The following DPP10 variants were observed in gnomAD, a reference collection of about 807,000 sequenced individuals.
The protein encoded by DPP10 is inactive dipeptidyl peptidase 10.
A neutral mutation model predicts 120.9 loss-of-function variants in DPP10; 33 were observed. The observed-to-expected ratio is 0.27, with a 90% CI of 0.21 to 0.37. The LOEUF is 0.37. Among genes scored for constraint, DPP10 ranks in the 10% least tolerant of loss-of-function variants. DPP10 has a pLI of 1.00. For synonymous variants in DPP10, 337 were observed against 326.1 expected, an observed-to-expected ratio of 1.03 and a Z score of -0.36; for missense variants, 816 against 942.8, an observed-to-expected ratio of 0.87 and a Z score of 1.76.
At chr2:114,549,914 G>T (rs540258067) in intron 1 of DPP10, among the ~76,000 whole-genome samples, 3 of 152,068 alleles carry the variant, frequency 2.0e-5, no homozygotes, top group African/African-American at 7.2e-5. Flanking sequence ...ATGGGGTGAC[G>T]TGGGGCTGGA....
intron 1 of DPP10, among the ~76,000 whole-genome samples, chr2:114,512,541 G>A (rs1374647579): frequency 2.0e-5 from 3 of 152,312 alleles, no homozygotes; most frequent in African/African-American, 7.2e-5. Context: ...TGGGCAAGTT[G>A]TTATAAGGAT....
chr2:115,649,784 A>G (rs2087587625), intron 5 of DPP10, among the ~76,000 whole-genome samples: 1 of 152,120 alleles, frequency 6.6e-6, no homozygotes, highest in African/African-American at 2.4e-5. Context: ...ATTATTTCAA[A>G]TAGTGAGAAA....
At chr2:114,657,066 C>T (rs954662724) in intron 1 of DPP10, among the ~76,000 whole-genome samples, 11 of 152,034 alleles carry the variant, frequency 7.2e-5, no homozygotes, top group Non-Finnish European at 1.6e-4. Context: ...CCATAAAAGT[C>T]AGTACTAGGT....
intron 5 of DPP10, among the ~76,000 whole-genome samples, chr2:115,676,345 A>G (rs2090257257): frequency 6.6e-6 from 1 of 152,172 alleles, no homozygotes; most frequent in Admixed American, 6.5e-5. Flanking sequence ...TATTTTATCC[A>G]AGTAAAACTG....
chr2:115,432,632 A>G (rs929353394), intron 3 of DPP10, among the ~76,000 whole-genome samples: 1 of 149,102 alleles, frequency 6.7e-6, no homozygotes, highest in Non-Finnish European at 1.5e-5. Flanking sequence ...CTTTTGAGAG[A>G]TCCTTGTTTA....
At chr2:115,376,276 T>A (rs374559115) in intron 3 of DPP10, among the ~76,000 whole-genome samples, 7 of 152,216 alleles carry the variant, frequency 4.6e-5, no homozygotes, top group African/African-American at 1.7e-4. Context: ...AATACGAATT[T>A]CAAAATTATA....
chr2:115,456,741 A>C (rs546774079), intron 3 of DPP10, among the ~76,000 whole-genome samples: 1 of 152,290 alleles, frequency 6.6e-6, no homozygotes, highest in Non-Finnish European at 1.5e-5. Flanking sequence ...GCTCTCACTC[A>C]TAAGTGGGAG....
chr2:114,732,743 C>T (rs1677038228), intron 1 of DPP10, among the ~76,000 whole-genome samples: 1 of 152,120 alleles, frequency 6.6e-6, no homozygotes, highest in Admixed American at 6.5e-5. Flanking sequence ...ATATAGATGG[C>T]TAATAATGGC....
intron 1 of DPP10, among the ~76,000 whole-genome samples, chr2:114,924,805 CAA>C (rs1695481905): frequency 6.6e-6 from 1 of 151,966 alleles, no homozygotes; most frequent in Middle Eastern, 3.4e-3. Context: ...AAACAAAAAA[CAA>C]AAACAAAAAC....
At chr2:115,247,094 A>T (rs1372864858) in intron 1 of DPP10, among the ~76,000 whole-genome samples, 1 of 152,172 alleles carries the variant, frequency 6.6e-6, no homozygotes, top group Non-Finnish European at 1.5e-5. Flanking sequence ...ATTAGGGATG[A>T]GTGACTACAA....
intron 1 of DPP10, among the ~76,000 whole-genome samples, chr2:114,910,586 T>C (rs1694295521): frequency 6.6e-6 from 1 of 152,108 alleles, no homozygotes; most frequent in Admixed American, 6.5e-5. Flanking sequence ...ACTAAGCAGT[T>C]TGTGGTCATT....
At chr2:114,653,668 C>G (rs1696774605) in intron 1 of DPP10, among the ~76,000 whole-genome samples, 1 of 152,106 alleles carries the variant, frequency 6.6e-6, no homozygotes, top group African/African-American at 2.4e-5. Flanking sequence ...TAAGATAGAG[C>G]CTTTCTTTGC....
intron 1 of DPP10, among the ~76,000 whole-genome samples, chr2:115,148,317 A>G (rs927481865): frequency 1.3e-5 from 2 of 152,192 alleles, no homozygotes; most frequent in Admixed American, 6.5e-5. Flanking sequence ...CTAAGTTGAT[A>G]CATATTTACA....
chr2:115,556,759 T>C (rs2080242154), intron 5 of DPP10, among the ~76,000 whole-genome samples: 1 of 152,110 alleles, frequency 6.6e-6, no homozygotes, highest in Admixed American at 6.5e-5. Flanking sequence ...TCTAATATTT[T>C]CTCCTCCAAG....
intron 3 of DPP10, among the ~76,000 whole-genome samples, chr2:115,378,995 A>G (rs1009991809): frequency 5.3e-5 from 8 of 152,156 alleles, no homozygotes; most frequent in African/African-American, 1.9e-4. Flanking sequence ...TTCATCAAGG[A>G]TATTGGTCTA....
intron 1 of DPP10, among the ~76,000 whole-genome samples, chr2:114,592,739 C>A (rs969925868): frequency 1.2e-4 from 18 of 151,902 alleles, no homozygotes; most frequent in African/African-American, 4.1e-4. Context: ...ATTAAAACAA[C>A]AATGAGATAT....
intron 1 of DPP10, among the ~76,000 whole-genome samples, chr2:115,199,716 C>A (rs2055555025): frequency 6.6e-6 from 1 of 152,034 alleles, no homozygotes; most frequent in South Asian, 2.1e-4. Context: ...TGTATCAAGA[C>A]TGAAGAGATG....
At chr2:114,614,874 C>G (rs1693562338) in intron 1 of DPP10, among the ~76,000 whole-genome samples, 1 of 152,164 alleles carries the variant, frequency 6.6e-6, no homozygotes, top group South Asian at 2.1e-4. Flanking sequence ...ATTATCAACA[C>G]AGCCAGTCAA....
At chr2:114,688,837 A>G (rs902142809) in intron 1 of DPP10, among the ~76,000 whole-genome samples, 3 of 151,908 alleles carry the variant, frequency 2.0e-5, no homozygotes, top group African/African-American at 7.2e-5. Flanking sequence ...AATCATTACC[A>G]TCGTCAACAA....
Sources: gnomAD v4.1 joint callset for allele counts (sites outside exome capture counted in the v4.1 genomes callset) on GRCh38, gnomAD v4.1.1 for gene constraint, MANE v1.5 for transcripts, NCBI Gene and HGNC (gene_info 2026-07-23, HGNC 2026-07-21) for gene names.